CEP89: variants seen among roughly 807,000 people sequenced by gnomAD.
The protein encoded by CEP89 is centrosomal protein 89.
Under a neutral mutation model 97.6 loss-of-function variants are expected in CEP89, and 95 were observed. The observed-to-expected ratio is 0.97, with a 90% CI of 0.82 to 1.15. The LOEUF is 1.15. Among genes scored for constraint, CEP89 ranks in the 50% most tolerant of loss-of-function variants. The pLI is 0.00. For synonymous variants in CEP89, 354 were observed against 349.1 expected (o/e 1.01, Z -0.16); for missense variants, 869 against 947.7 (o/e 0.92, Z 1.09).
At chr19:32,929,784 A>G (rs901179227) in intron 9 of CEP89, among the ~76,000 whole-genome samples, 3 of 152,196 alleles carry the variant, frequency 2.0e-5, no homozygotes, top group African/African-American at 7.2e-5. Flanking sequence ...GTTTTGAATT[A>G]TAGGACCCTA....
intron 4 of CEP89, among the ~76,000 whole-genome samples, chr19:32,951,534 T>TATATATATATATATATATACACACAC (rs1407110112): frequency 4.9e-5 from 6 of 122,032 alleles, no homozygotes; most frequent in African/African-American, 2.1e-4. Flanking sequence ...TATATATATA[T>TATATATATATATATATATACACACAC]ACACACACAC....
At chr19:32,968,004 GCA>G (rs1169131995) in intron 1 of CEP89, among the ~76,000 whole-genome samples, 1 of 152,082 alleles carries the variant, frequency 6.6e-6, no homozygotes, top group Non-Finnish European at 1.5e-5. Flanking sequence ...GGGAAGGGTG[GCA>G]CAGAGTGGGG....
intron 16 of CEP89, among the ~76,000 whole-genome samples, chr19:32,896,728 C>A (rs546125755): frequency 6.6e-6 from 1 of 151,530 alleles, no homozygotes; most frequent in African/African-American, 2.4e-5. Flanking sequence ...CAACAAGAGG[C>A]TAATACCCAG....
chr19:32,943,660 T>G (rs1970734646), intron 5 of CEP89, among the ~76,000 whole-genome samples: 1 of 151,322 alleles, frequency 6.6e-6, no homozygotes, highest in East Asian at 1.9e-4. Flanking sequence ...CTCACCACGT[T>G]TCACATGCCT....
rs1176242272 is a variant in CEP89 at position 32,936,081 on chromosome 19, C to T, written c.667+1550G>A. ...GACCTGGGTGTCTCTGCAGTCTGCA[C>T]CCTCGGGGGCCTGGGAAGGCTCCCG... On this transcript the variant is annotated intron_variant, in intron 7 of 18. Coordinates refer to ENST00000305768, the MANE Select transcript of CEP89 (RefSeq NM_032816.5). The surrounding 1 kb of genome is among the most constrained non-coding windows in gnomAD (Gnocchi z 4.5). Among the ~76,000 whole-genome samples, 3 of 152,070 alleles carry T rather than the reference C, an allele frequency of 2.0e-5. No individual in the cohort carries two copies. The highest frequency in any genetic ancestry group is 4.4e-5 in the Non-Finnish European group (3 of 67,964).
Position 32,971,889 on chromosome 19 carries a change from G to T in CEP89, c.-15C>A, listed in dbSNP as rs1484114278. Reference sequence around the variant, plus strand: ...CCCAGGAGCATCCTTGCAGCGCGAGGAGAATGGACCGGGGCCTGGACTCAT... The same window carrying T: ...CCCAGGAGCATCCTTGCAGCGCGAGTAGAATGGACCGGGGCCTGGACTCAT... On this transcript the variant is annotated 5_prime_UTR_variant, in exon 1 of 19. Transcript: ENST00000305768. 1.3e-6 allele frequency: 2 copies of T among 1,584,142 alleles called. No homozygotes were observed.
intron 11 of CEP89, among the ~76,000 whole-genome samples, chr19:32,924,295 G>A (rs574344762): frequency 4.6e-5 from 7 of 152,272 alleles, no homozygotes; most frequent in Admixed American, 3.9e-4. Context: ...ATCCAGCCAA[G>A]GCTCTTAGTT....
intron 4 of CEP89, among the ~76,000 whole-genome samples, chr19:32,951,577 A>C (rs1303987350): frequency 6.6e-6 from 1 of 150,744 alleles, no homozygotes; most frequent in Non-Finnish European, 1.5e-5. Flanking sequence ...GCACACTACT[A>C]CAGTTGTTTA....
At chr19:32,904,810 T>G (rs1211196131) in intron 14 of CEP89, among the ~76,000 whole-genome samples, 2 of 152,122 alleles carry the variant, frequency 1.3e-5, no homozygotes, top group East Asian at 3.9e-4. Flanking sequence ...CAGGATGGTC[T>G]CGATCTCTTG....
intron 5 of CEP89, among the ~76,000 whole-genome samples, chr19:32,944,044 A>G (rs941198889): frequency 2.0e-5 from 3 of 152,074 alleles, no homozygotes; most frequent in Non-Finnish European, 4.4e-5. Flanking sequence ...CCTGGGCAAC[A>G]TAGTAAAACC....
rs75760372 is a variant in CEP89, at chr19:32,927,131, C to CCCATCCATCCAT, written c.1030-159_1030-148dup. The CCCATCCATCCAT allele has an allele frequency of 7.2e-4, 433 of 598,298 alleles. 1 individual carries two copies. The highest frequency in any genetic ancestry group is 1.8e-3 in the Admixed American group (62 of 34,556). The allele number at this position is 598,298 out of a possible 1,614,324, so 37.1% of individuals were successfully genotyped here. On this transcript the variant is annotated intron_variant, in intron 9 of 18. Transcript: ENST00000305768. The stretch of plus-strand genomic sequence containing the variant: ...GCCTACCCACCCACCTACCCACCTA[C>CCCATCCATCCAT]CCATCCATCCATCCATCCATCCATC...
intron 16 of CEP89, among the ~76,000 whole-genome samples, chr19:32,893,466 A>T (rs556842016): frequency 6.6e-6 from 1 of 152,356 alleles, no homozygotes; most frequent in South Asian, 2.1e-4. Context: ...CTCAGCAATC[A>T]GATCATCAAG....
rs747376318 is a variant in CEP89 at position 32,933,669 on chromosome 19, T to C, written c.668A>G (p.Asp223Gly). ...PLCEKPPPSP[D>G]ITGRARQRYT... ...TCTTTGACGTGCTCTACCAGTTATA[T>C]CTGAAAGGGTTCAGGGGAAAATTTT... The change falls in exon 8 of 19, where the codon GAT becomes GGT. Residue 223 changes from aspartate (D) to glycine (G), a missense_variant and splice_region_variant. Physicochemically the swap from Asp to Gly is moderately conservative, Grantham distance 94. Coordinates refer to ENST00000305768, the MANE Select transcript of CEP89 (RefSeq NM_032816.5). The C allele has an allele frequency of 1.9e-6, 3 of 1,584,466 alleles. No individual in the cohort carries two copies. The highest frequency in any genetic ancestry group is 1.1e-5 in the South Asian group (1 of 89,678).
chr19:32,926,882 A>G, intron 10 of CEP89, 52 bp downstream of exon 10: 1 of 1,524,430 alleles, frequency 6.6e-7, no homozygotes, highest in African/African-American at 1.4e-5. Context: ...TTTAATAGCT[A>G]TGCAAATATA....
intron 17 of CEP89, among the ~76,000 whole-genome samples, chr19:32,887,534 T>G (rs1338976791): frequency 6.6e-6 from 1 of 152,180 alleles, no homozygotes; most frequent in African/African-American, 2.4e-5. Flanking sequence ...CCTTTTTTCT[T>G]AAACAGCTAT....
At chr19:32,952,558 G>A (rs1970943353) in intron 4 of CEP89, among the ~76,000 whole-genome samples, 2 of 151,890 alleles carry the variant, frequency 1.3e-5, no homozygotes, top group African/African-American at 2.4e-5. Context: ...GCTTAATGCT[G>A]CTGGTCTATA....
In CEP89 at chr19:32,926,208, C is replaced by T. The variant is rs200861352; in HGVS notation, c.1146G>A (p.Glu382=). ...AYEDMMKEKD[E]LNATLKEEMR... The stretch of plus-strand genomic sequence containing the variant: ...AGCCTACCTTGAGGGTGGCATTGAG[C>T]TCGTCCTTCTCTTTCATCATATCTT... The change falls in exon 11 of 19, where the codon GAG becomes GAA. Residue 382 remains glutamate, a synonymous_variant. Coordinates refer to ENST00000305768, the MANE Select transcript of CEP89 (RefSeq NM_032816.5). The T allele has an allele frequency of 1.1e-4, 176 of 1,613,438 alleles. No individual in the cohort carries two copies. In the South Asian group the frequency reaches 1.7e-3, roughly 16 times the overall value.
chr19:32,955,536 T>C (rs969787159), intron 3 of CEP89, among the ~76,000 whole-genome samples: 4 of 152,106 alleles, frequency 2.6e-5, no homozygotes, highest in African/African-American at 9.7e-5. Flanking sequence ...TTATTTGAGA[T>C]GGAGTCTCGC....
intron 18 of CEP89, among the ~76,000 whole-genome samples, chr19:32,881,178 G>A (rs1015196015): frequency 1.3e-5 from 2 of 152,148 alleles, no homozygotes; most frequent in African/African-American, 4.8e-5. Context: ...GCTCATGCTT[G>A]TAATCCCTGC....
Sources: allele counts gnomAD v4.1 joint callset (sites outside exome capture counted in the v4.1 genomes callset), GRCh38; gene constraint gnomAD v4.1.1; non-coding constraint Gnocchi (gnomAD v3.1); transcripts MANE v1.5; gene names NCBI Gene and HGNC (gene_info 2026-07-23, HGNC 2026-07-21).